Variants in AFAP1L2 observed in about 807,000 individuals in gnomAD.
AFAP1L2 encodes actin filament-associated protein 1-like 2.
A neutral mutation model predicts 99.3 loss-of-function variants in AFAP1L2; 46 were observed. That is an observed-to-expected ratio of 0.46 (90% CI 0.37 to 0.59). The LOEUF is 0.59. Ranked by LOEUF, AFAP1L2 falls within the 20% of genes least tolerant of loss-of-function variation. The pLI is 0.00. For missense variants in AFAP1L2, 959 were observed against 1,034.9 expected, an observed-to-expected ratio of 0.93 and a Z score of 1.01; for synonymous variants, 397 against 419.1, an observed-to-expected ratio of 0.95 and a Z score of 0.64.
chr10:114,353,266 C>T (rs779420141), intron 1 of AFAP1L2, among the ~76,000 whole-genome samples: 6 of 152,310 alleles, frequency 3.9e-5, no homozygotes, highest in Admixed American at 1.3e-4. Flanking sequence ...AGGAGGGAAA[C>T]GGGGCCTGGA....
the AFAP1L2 span, among the ~76,000 whole-genome samples, chr10:114,283,015 TG>T: frequency 1.3e-5 from 2 of 152,186 alleles, no homozygotes; most frequent in Non-Finnish European, 2.9e-5. Flanking sequence ...ATAATGCCCA[TG>T]GAAGTAATCC....
intron 1 of AFAP1L2, among the ~76,000 whole-genome samples, chr10:114,382,926 A>C (rs1408623526): frequency 6.6e-6 from 1 of 152,184 alleles, no homozygotes. Flanking sequence ...AACTAGAAGA[A>C]AGGACTTCAA....
intron 1 of AFAP1L2, among the ~76,000 whole-genome samples, chr10:114,347,206 G>A (rs2049736312): frequency 6.6e-6 from 1 of 152,168 alleles, no homozygotes; most frequent in Admixed American, 6.5e-5. Context: ...TTAGGAGCCT[G>A]TGACACTTTC....
In AFAP1L2 at chr10:114,386,386, G is replaced by A. The variant is rs544097525; in HGVS notation, c.16+18054C>T. Among the ~76,000 whole-genome samples the A allele has an allele frequency of 1.5e-4, 23 of 152,062 alleles. No homozygotes were observed. In the East Asian group the frequency reaches 4.1e-3, roughly 27 times the overall value. ...ACTGCACTCCAGACTGGGCAACAGA[G>A]CAAAACCCCATCTCCAAAAAAAGAA... On this transcript the variant is annotated intron_variant, in intron 1 of 18. Coordinates refer to ENST00000304129, the MANE Select transcript of AFAP1L2 (RefSeq NM_001001936.3).
At chr10:114,347,184 G>A (rs1414766253) in intron 1 of AFAP1L2, among the ~76,000 whole-genome samples, 1 of 152,184 alleles carries the variant, frequency 6.6e-6, no homozygotes, top group Non-Finnish European at 1.5e-5. Context: ...AACTGCTGGG[G>A]AGCAGTCAGT....
intron 1 of AFAP1L2, among the ~76,000 whole-genome samples, chr10:114,347,237 T>C (rs2049740088): frequency 6.6e-6 from 1 of 152,172 alleles, no homozygotes; most frequent in African/African-American, 2.4e-5. Context: ...AACAGCATCC[T>C]ACAGATGCCA....
intron 1 of AFAP1L2, among the ~76,000 whole-genome samples, chr10:114,362,203 C>A (rs1481876240): frequency 6.6e-6 from 1 of 152,120 alleles, no homozygotes; most frequent in Non-Finnish European, 1.5e-5. Flanking sequence ...TTGCCAGACA[C>A]AAAGCACTAT....
rs1250231949 is a variant in AFAP1L2, at chr10:114,295,498, TTTTACAGATGA to T, written c.*533_*543del. On this transcript the variant is annotated 3_prime_UTR_variant, in exon 19 of 19. Coordinates refer to ENST00000304129, the MANE Select transcript of AFAP1L2 (RefSeq NM_001001936.3). Reference sequence around the variant, plus strand: ...TCATAGATGGTTTTACAGATGATGGTTTTACAGATGATGTCAATGCTGTTTAAAATCACTGA... The same window carrying T: ...TCATAGATGGTTTTACAGATGATGGTTGTCAATGCTGTTTAAAATCACTGA... The T allele has an allele frequency of 1.1e-5, 11 of 973,586 alleles. No individual in the cohort carries two copies. In the South Asian group the frequency reaches 4.8e-4, roughly 42 times the overall value. The allele number at this position is 973,586 out of a possible 1,614,324, so 60.3% of individuals were successfully genotyped here.
At chr10:114,285,925 TGTGATCCCCG>T in the AFAP1L2 span, 1 of 1,572,406 alleles carries the variant, frequency 6.4e-7, no homozygotes, top group Non-Finnish European at 8.7e-7. Flanking sequence ...TGGGTGTTGC[TGTGATCCCCG>T]CAGCCCTGAA....
intron 1 of AFAP1L2, among the ~76,000 whole-genome samples, chr10:114,371,505 C>T (rs1208254075): frequency 2.0e-5 from 3 of 152,130 alleles, no homozygotes. Flanking sequence ...CGTGGAAAAA[C>T]TCCTATGTTT....
intron 5 of AFAP1L2, among the ~76,000 whole-genome samples, chr10:114,317,142 C>CTATTTTACTAAGAAGCACATTT: frequency 6.6e-6 from 1 of 151,536 alleles, no homozygotes; most frequent in South Asian, 2.1e-4. Context: ...AAAATGTTGT[C>CTATTTTACTAAGAAGCACATTT]GATTTTACTA....
intron 2 of AFAP1L2, 63 bp downstream of exon 2, chr10:114,340,540 C>T: frequency 6.4e-7 from 1 of 1,555,610 alleles, no homozygotes; most frequent in Non-Finnish European, 8.7e-7. Context: ...TGGCAGCCCG[C>T]ACTGACTCAC....
intron 18 of AFAP1L2, 100 bp from the exon 19 acceptor site, chr10:114,296,168 A>C: frequency 6.6e-7 from 1 of 1,513,686 alleles, no homozygotes; most frequent in South Asian, 1.1e-5. Flanking sequence ...TGTGAGAAAA[A>C]CTATTTTAGG....
intron 1 of AFAP1L2, among the ~76,000 whole-genome samples, chr10:114,369,087 T>C (rs2053717570): frequency 6.6e-6 from 1 of 152,172 alleles, no homozygotes; most frequent in African/African-American, 2.4e-5. Context: ...ATGAGATTTT[T>C]TTGGGGCCAA....
In AFAP1L2 at chr10:114,306,326, C is replaced by G. The variant is rs867741263; in HGVS notation, c.1073-1396G>C. Among the ~76,000 whole-genome samples the G allele has an allele frequency of 3.6e-4, 17 of 47,414 alleles. No individual in the cohort carries two copies. In the African/African-American group the frequency reaches 4.0e-3, roughly 11 times the overall value. The allele number at this position is 47,414 out of a possible 152,430, so 31.1% of individuals were successfully genotyped here. A position where few individuals can be genotyped will look rare whatever the true frequency, so the allele number is the denominator to read the frequency against. ...GAGGGGACGCAGATCCAGGAGGGGA[C>G]GCGGGGGCAGGAGGGGACGCGGGGG... On this transcript the variant is annotated intron_variant, in intron 10 of 18. Transcript: ENST00000304129.
At chr10:114,354,360 C>A (rs1484499566) in intron 1 of AFAP1L2, among the ~76,000 whole-genome samples, 2 of 152,190 alleles carry the variant, frequency 1.3e-5, no homozygotes, top group Admixed American at 6.5e-5. Flanking sequence ...CAGGGGACAG[C>A]CTGTGTGTAA....
downstream of AFAP1L2, among the ~76,000 whole-genome samples, chr10:114,290,761 T>C (rs2039510951): frequency 6.6e-6 from 1 of 152,044 alleles, no homozygotes; most frequent in African/African-American, 2.4e-5. Context: ...GATGGGTAAA[T>C]GCGGTGGTGG....
the AFAP1L2 span, chr10:114,282,706 G>C: frequency 2.8e-6 from 2 of 719,382 alleles, no homozygotes; most frequent in Non-Finnish European, 5.0e-6. Flanking sequence ...GGGCACTTGG[G>C]GGGCAGAGGA....
chr10:114,308,511 T>C lies in AFAP1L2; in HGVS notation c.889A>G (p.Ile297Val). 1 of 1,614,154 alleles carries C rather than the reference T, an allele frequency of 6.2e-7. No individual in the cohort carries two copies. Among genetic ancestry groups the C allele is most frequent in the Non-Finnish European group, 8.5e-7 (1 of 1,179,998 alleles). Residue 297 changes from isoleucine (I) to valine (V), a missense_variant, in exon 9 of 19, where the codon ATA (isoleucine) becomes GTA (valine). Ile to Val is a conservative substitution (Grantham distance 29). Transcript: ENST00000304129. ...AQRFNCQKPD[I>V]AEKYLSASEY... ...GAAGCCGACAGGTACTTCTCAGCTA[T>C]ATCTGGCTATGGACAAAAGCGACAT... is the stretch of plus-strand genomic sequence containing the variant.
Sources: allele counts gnomAD v4.1 joint callset (sites outside exome capture counted in the v4.1 genomes callset), GRCh38; gene constraint gnomAD v4.1.1; transcripts MANE v1.5; gene names NCBI Gene and HGNC (gene_info 2026-07-23, HGNC 2026-07-21).